EIPR1: variants seen among roughly 807,000 people sequenced by gnomAD.
EIPR1 encodes EARP complex and GARP complex interacting protein 1, also known as EARP and GARP complex-interacting protein 1.
In EIPR1, 25 loss-of-function variants were observed where a neutral mutation model predicts 48.1. That is an observed-to-expected ratio of 0.52 (90% CI 0.38 to 0.73). The LOEUF is 0.73. EIPR1 is among the 30% of genes least tolerant of loss of function. The probability of loss-of-function intolerance (pLI) is 0.00; values close to 1 mark genes in which losing one functional copy is unlikely to be tolerated. For synonymous variants in EIPR1, 204 were observed against 201.9 expected (o/e 1.01, Z -0.09); for missense variants, 415 against 506.2 (o/e 0.82, Z 1.73).
chr2:3,311,880 C>A (rs1411892402), intron 3 of EIPR1, among the ~76,000 whole-genome samples: 1 of 152,218 alleles, frequency 6.6e-6, no homozygotes, highest in Non-Finnish European at 1.5e-5. Context: ...AAGCTCCAGT[C>A]TTGGGGCACT....
Position 3,192,482 on chromosome 2 carries a change from C to T in EIPR1, c.921G>A (p.Ser307=), listed in dbSNP as rs186432365. ...VILSNMVSIS[S]EPFGHLVDDD... ...CGTCTACCAAGTGGCCGAAGGGCTC[C>T]GACGAGATGGACACCATGTTGGAAA... is the stretch of plus-strand genomic sequence containing the variant. The change falls in exon 8 of 9, where the codon TCG becomes TCA. Residue 307 remains serine (S), a synonymous_variant. Coordinates refer to ENST00000382125, the MANE Select transcript of EIPR1 (RefSeq NM_003310.5). The T allele has an allele frequency of 2.3e-5, 37 of 1,613,038 alleles. No homozygotes were observed. Among genetic ancestry groups the T allele is most frequent in the South Asian group, 8.8e-5 (8 of 90,952 alleles).
chr2:3,362,198 C>A (rs1413277594), intron 1 of EIPR1, among the ~76,000 whole-genome samples: 2 of 152,124 alleles, frequency 1.3e-5, no homozygotes, highest in Non-Finnish European at 2.9e-5. Flanking sequence ...ATGAGCCCCT[C>A]ACTCCCAGCC....
chr2:3,269,855 G>A (rs1489557407), intron 3 of EIPR1, among the ~76,000 whole-genome samples: 1 of 152,250 alleles, frequency 6.6e-6, no homozygotes, highest in Non-Finnish European at 1.5e-5. Context: ...CCTTGGCGCA[G>A]CTGCATTGCC....
rs559362518 is a variant in EIPR1, at chr2:3,317,978, C to T, written c.259+20039G>A. Among the ~76,000 whole-genome samples, 170 of 152,366 alleles carry T rather than the reference C, an allele frequency of 1.1e-3. 1 individual carries two copies. The highest frequency in any genetic ancestry group is 6.8e-3 in the Middle Eastern group (2 of 294). On this transcript the variant is annotated intron_variant, in intron 3 of 8. Transcript: ENST00000382125. ...GTTCTGCTTCAGCCGTCCAGGCTGC[C>T]CGAGACACGGGCTCAGCACCTGCCT...
At chr2:3,277,435 G>C (rs967172903) in intron 3 of EIPR1, among the ~76,000 whole-genome samples, 5 of 152,216 alleles carry the variant, frequency 3.3e-5, no homozygotes, top group Non-Finnish European at 7.3e-5. Flanking sequence ...TTGACCCCAT[G>C]TCAAAGATGA....
chr2:3,351,908 T>C (rs549265557), intron 2 of EIPR1, among the ~76,000 whole-genome samples: 29 of 152,372 alleles, frequency 1.9e-4, no homozygotes, highest in Non-Finnish European at 3.5e-4. Context: ...CATACCATTC[T>C]GAGTAGTGTG....
At chr2:3,198,271 G>A (rs1395166110) in intron 5 of EIPR1, among the ~76,000 whole-genome samples, 1 of 152,264 alleles carries the variant, frequency 6.6e-6, no homozygotes, top group Non-Finnish European at 1.5e-5. Flanking sequence ...GGTGGCCACT[G>A]GGAGGCGTGA....
intron 3 of EIPR1, among the ~76,000 whole-genome samples, chr2:3,268,748 AG>A (rs1667572974): frequency 6.6e-6 from 1 of 152,160 alleles, no homozygotes; most frequent in African/African-American, 2.4e-5. Flanking sequence ...ACAAGTGCAC[AG>A]GGGTGGGAAG....
intron 3 of EIPR1, among the ~76,000 whole-genome samples, chr2:3,326,078 C>G (rs1424289815): frequency 6.6e-6 from 1 of 152,224 alleles, no homozygotes; most frequent in Non-Finnish European, 1.5e-5. Context: ...CACTGCCCCC[C>G]TCTCCTGGGG....
chr2:3,248,763 T>A (rs756953103), intron 4 of EIPR1, among the ~76,000 whole-genome samples: 3 of 152,146 alleles, frequency 2.0e-5, no homozygotes, highest in Non-Finnish European at 4.4e-5. Flanking sequence ...AAAGTGAGAC[T>A]GTCTAAAAAA....
chr2:3,343,601 C>T (rs560377408), intron 2 of EIPR1, among the ~76,000 whole-genome samples: 1 of 152,272 alleles, frequency 6.6e-6, no homozygotes, highest in African/African-American at 2.4e-5. Context: ...GTTGATTTTA[C>T]CAGTGCTGGG....
intron 2 of EIPR1, among the ~76,000 whole-genome samples, chr2:3,345,741 G>A (rs1670380025): frequency 6.6e-6 from 1 of 152,154 alleles, no homozygotes; most frequent in African/African-American, 2.4e-5. Context: ...TGCACAGTGG[G>A]AGGTGGCACC....
At chr2:3,367,999 C>T (rs1468699328) in intron 1 of EIPR1, among the ~76,000 whole-genome samples, 7 of 152,098 alleles carry the variant, frequency 4.6e-5, no homozygotes, top group Non-Finnish European at 7.4e-5. Context: ...GAGTTGAGAT[C>T]GCGCCACTGC....
intron 3 of EIPR1, among the ~76,000 whole-genome samples, chr2:3,308,970 AC>A (rs1276380497): frequency 6.6e-6 from 1 of 152,234 alleles, no homozygotes; most frequent in Non-Finnish European, 1.5e-5. Flanking sequence ...AAGCAGACCT[AC>A]CCTCAAAGGA....
rs889291713 is a variant in EIPR1 at position 3,257,615 on chromosome 2, G to C, written c.260-160C>G. 1.0e-5 allele frequency: 8 copies of C among 769,666 alleles called. No individual in the cohort carries two copies. In the East Asian group the frequency reaches 2.1e-4, roughly 21 times the overall value. The allele number at this position is 769,666 out of a possible 1,614,324, so 47.7% of individuals were successfully genotyped here. A position where few individuals can be genotyped will look rare whatever the true frequency, so the allele number is the denominator to read the frequency against. On this transcript the variant is annotated intron_variant, in intron 3 of 8. Transcript: ENST00000382125. Reference sequence around the variant, plus strand: ...CAAAGACGGAGCAGGGAGAAGCACAGCCTGAGTCGGCAGGCAGAACCCGGC... The same window carrying C: ...CAAAGACGGAGCAGGGAGAAGCACACCCTGAGTCGGCAGGCAGAACCCGGC...
chr2:3,349,564 A>AGACAGG (rs148938779), intron 2 of EIPR1, among the ~76,000 whole-genome samples: 2 of 152,186 alleles, frequency 1.3e-5, no homozygotes, highest in Admixed American at 6.5e-5. Context: ...GGATGCTGCC[A>AGACAGG]GACAGGGACA....
chr2:3,369,905 G>A (rs1671069437), intron 1 of EIPR1, among the ~76,000 whole-genome samples: 1 of 152,166 alleles, frequency 6.6e-6, no homozygotes, highest in Non-Finnish European at 1.5e-5. Flanking sequence ...GCACGCAGCT[G>A]GAGATCTGAG....
intron 3 of EIPR1, among the ~76,000 whole-genome samples, chr2:3,299,624 T>TCACACA (rs3064647): frequency 0.015 from 2,004 of 136,778 alleles, 19 homozygotes; most frequent in Non-Finnish European, 0.019. Context: ...TCTCTCTCTC[T>TCACACA]CACACACACA....
intron 4 of EIPR1, among the ~76,000 whole-genome samples, chr2:3,228,416 T>C (rs1666132401): frequency 6.6e-6 from 1 of 152,254 alleles, no homozygotes; most frequent in Non-Finnish European, 1.5e-5. Flanking sequence ...ACCACCATTA[T>C]ATCTAGGAAG....
Sources: allele counts gnomAD v4.1 joint callset (sites outside exome capture counted in the v4.1 genomes callset), GRCh38; gene constraint gnomAD v4.1.1; transcripts MANE v1.5; gene names NCBI Gene and HGNC (gene_info 2026-07-23, HGNC 2026-07-21).